Variants in EML6 observed in about 807,000 individuals in gnomAD.
EML6 encodes echinoderm microtubule-associated protein-like 6.
Under a neutral mutation model 240.1 loss-of-function variants are expected in EML6, and 154 were observed. The observed-to-expected ratio is 0.64, with a 90% CI of 0.56 to 0.73. The LOEUF (loss-of-function observed/expected upper bound fraction) is 0.73, where lower values mean the gene tolerates loss of function less well. Among genes scored for constraint, EML6 ranks in the 30% least tolerant of loss-of-function variants. The probability of loss-of-function intolerance (pLI) is 0.00; values close to 1 mark genes in which losing one functional copy is unlikely to be tolerated. For synonymous variants in EML6, 1,148 were observed against 899.0 expected (o/e 1.28, Z -4.95); for missense variants, 2,964 against 2,474.6 (o/e 1.20, Z -4.20).
At chr2:54,960,134 G>T (rs550982710) in intron 34 of EML6, 86 bp from the exon 35 acceptor site, 3 of 1,006,754 alleles carry the variant, frequency 3.0e-6, no homozygotes, top group Non-Finnish European at 4.5e-6. Flanking sequence ...GAACCCTGAT[G>T]ACTGGGAAAG....
chr2:54,917,161 C>G (rs535549984), intron 26 of EML6, among the ~76,000 whole-genome samples: 39 of 152,276 alleles, frequency 2.6e-4, no homozygotes, highest in African/African-American at 8.4e-4. Flanking sequence ...GTCACCAAAT[C>G]CAACATCTCA....
intron 2 of EML6, among the ~76,000 whole-genome samples, chr2:54,783,870 AT>A (rs1668959661): frequency 6.6e-6 from 1 of 152,180 alleles, no homozygotes; most frequent in Non-Finnish European, 1.5e-5. Flanking sequence ...TCATGTTAAT[AT>A]AGGTAAATCC....
At chr2:54,792,904 A>G (rs1200432804) in intron 2 of EML6, among the ~76,000 whole-genome samples, 1 of 152,230 alleles carries the variant, frequency 6.6e-6, no homozygotes, top group African/African-American at 2.4e-5. Context: ...GAGGAGTTAT[A>G]AAAAGCAAAA....
chr2:54,822,221 T>C (rs1668366113), intron 5 of EML6, among the ~76,000 whole-genome samples: 2 of 152,172 alleles, frequency 1.3e-5, no homozygotes, highest in Admixed American at 1.3e-4. Context: ...CTATCAAATT[T>C]ATGATTGAAA....
At chr2:54,921,775 A>G (rs1309071640) in intron 26 of EML6, among the ~76,000 whole-genome samples, 1 of 152,168 alleles carries the variant, frequency 6.6e-6, no homozygotes, top group Non-Finnish European at 1.5e-5. Flanking sequence ...ATATATCCAT[A>G]TATATTATAT....
chr2:54,866,896 G>T lies in EML6; in HGVS notation c.2051+12G>T. On this transcript the variant is annotated intron_variant, in intron 14 of 41. Coordinates refer to ENST00000356458, the MANE Select transcript of EML6 (RefSeq NM_001039753.4). ...CAGTTCATACACGGGTGGGTGGCCT[G>T]TCATGGGCGCCCGTATGTGTTCCTC... is the stretch of plus-strand genomic sequence containing the variant. 1 of 1,480,196 alleles carries T rather than the reference G, an allele frequency of 6.8e-7. No individual in the cohort carries two copies. The highest frequency in any genetic ancestry group is 9.2e-7 in the Non-Finnish European group (1 of 1,082,312). The allele number at this position is 1,480,196 out of a possible 1,614,324, so 91.7% of individuals were successfully genotyped here. A position where few individuals can be genotyped will look rare whatever the true frequency, so the allele number is the denominator to read the frequency against.
chr2:54,902,667 G>T (rs1011406605), intron 22 of EML6, among the ~76,000 whole-genome samples: 9 of 152,178 alleles, frequency 5.9e-5, no homozygotes, highest in Admixed American at 5.9e-4. Flanking sequence ...CCAAGGTGCT[G>T]GGATTACAGG....
chr2:54,794,879 C>G (rs1011166948), intron 2 of EML6, among the ~76,000 whole-genome samples: 1 of 152,172 alleles, frequency 6.6e-6, no homozygotes, highest in Non-Finnish European at 1.5e-5. Context: ...GGTACCAAGA[C>G]CAGCCCTCAT....
chr2:54,903,434 C>T lies in EML6; in HGVS notation c.3341C>T (p.Thr1114Ile). 1.9e-6 allele frequency: 3 copies of T among 1,551,776 alleles called. No homozygotes were observed. The highest frequency in any genetic ancestry group is 1.2e-5 in the South Asian group (1 of 84,052). The change falls in exon 24 of 42, where the codon ACA becomes ATA. Residue 1114 changes from threonine to isoleucine, a missense_variant. Transcript: ENST00000356458. ...TTTGTGGATATTTACAACGTACTTACAAGCAAAAGGGTTGGCATCTGTAAA... is the reference window on the plus strand; with the variant it reads ...TTTGTGGATATTTACAACGTACTTATAAGCAAAAGGGTTGGCATCTGTAAA... ...DNFVDIYNVL[T>I]SKRVGICKGA...
At chr2:54,953,240 T>C (rs1029059834) in intron 31 of EML6, among the ~76,000 whole-genome samples, 2 of 152,218 alleles carry the variant, frequency 1.3e-5, no homozygotes, top group Admixed American at 6.5e-5. Flanking sequence ...ACGTGACTTA[T>C]TTTAGCTATT....
At chr2:54,737,214 GAATC>G (rs1052949745) in intron 2 of EML6, among the ~76,000 whole-genome samples, 64 of 152,304 alleles carry the variant, frequency 4.2e-4, no homozygotes, top group African/African-American at 1.5e-3. Flanking sequence ...TAGGAGTGAA[GAATC>G]ATGATGGCTG....
At chr2:54,869,580 G>C (rs115186827) in intron 15 of EML6, among the ~76,000 whole-genome samples, 4,144 of 152,234 alleles carry the variant, frequency 0.027, 75 homozygotes, top group Non-Finnish European at 0.041. Flanking sequence ...TCTTTTCCTG[G>C]AATGATGAGA....
chr2:54,939,193 G>T (rs901058795), intron 28 of EML6, among the ~76,000 whole-genome samples: 4 of 152,192 alleles, frequency 2.6e-5, no homozygotes, highest in Non-Finnish European at 5.9e-5. Context: ...ATCCAGCTAG[G>T]AAATCTCTGC....
intron 2 of EML6, among the ~76,000 whole-genome samples, chr2:54,804,713 T>G (rs1670374934): frequency 6.6e-6 from 1 of 152,202 alleles, no homozygotes; most frequent in South Asian, 2.1e-4. Flanking sequence ...TAATGTAAAT[T>G]TGCCCCTGCT....
intron 4 of EML6, among the ~76,000 whole-genome samples, chr2:54,818,702 C>T (rs956113020): frequency 6.6e-6 from 1 of 152,230 alleles, no homozygotes; most frequent in Non-Finnish European, 1.5e-5. Context: ...TATTGCTGTG[C>T]TACCGCTTGC....
chr2:54,765,055 TTTTC>T (rs1285775770), intron 2 of EML6, among the ~76,000 whole-genome samples: 3 of 152,188 alleles, frequency 2.0e-5, no homozygotes, highest in African/African-American at 7.2e-5. Flanking sequence ...TAGAATTTTT[TTTTC>T]TTTATTTCCC....
chr2:54,766,980 G>C (rs1668211015), intron 2 of EML6, among the ~76,000 whole-genome samples: 1 of 151,976 alleles, frequency 6.6e-6, no homozygotes, highest in Admixed American at 6.6e-5. Context: ...GTTTGCAATA[G>C]CAGCTAAAAG....
At chr2:54,933,071 C>G (rs538841233) in intron 28 of EML6, among the ~76,000 whole-genome samples, 1 of 152,062 alleles carries the variant, frequency 6.6e-6, no homozygotes, top group African/African-American at 2.4e-5. Context: ...GTTCTTCTTC[C>G]TCTGGGTTAT....
intron 33 of EML6, among the ~76,000 whole-genome samples, chr2:54,958,750 C>A (rs915408023): frequency 6.6e-6 from 1 of 152,156 alleles, no homozygotes; most frequent in African/African-American, 2.4e-5. Flanking sequence ...TGGGTTTCTC[C>A]CTCTTGTAGA....
Sources: allele counts gnomAD v4.1 joint callset (sites outside exome capture counted in the v4.1 genomes callset), GRCh38; gene constraint gnomAD v4.1.1; transcripts MANE v1.5; gene names NCBI Gene and HGNC (gene_info 2026-07-23, HGNC 2026-07-21).